Variants in DYM observed in about 807,000 individuals in gnomAD.
DYM encodes the protein dyggve-Melchior-Clausen syndrome protein.
In DYM, 78 loss-of-function variants were observed where a neutral mutation model predicts 93.1. The ratio of observed to expected loss-of-function variants is 0.84; its 90% CI spans 0.70 to 1.01. DYM has a LOEUF of 1.01. Among genes scored for constraint, DYM ranks in the 50% least tolerant of loss-of-function variants. The probability of loss-of-function intolerance (pLI) is 0.00; values close to 1 mark genes in which losing one functional copy is unlikely to be tolerated. For missense variants in DYM, 789 were observed against 845.0 expected, an observed-to-expected ratio of 0.93 and a Z score of 0.82; for synonymous variants, 321 against 319.7, an observed-to-expected ratio of 1.00 and a Z score of -0.04.
intron 16 of DYM, among the ~76,000 whole-genome samples, chr18:49,098,492 T>C (rs561708762): frequency 1.9e-4 from 29 of 152,350 alleles, no homozygotes; most frequent in African/African-American, 7.0e-4. Context: ...AATGCATTTG[T>C]TCTGGAAGGT....
intron 8 of DYM, among the ~76,000 whole-genome samples, chr18:49,299,823 C>T (rs1412145659): frequency 6.6e-6 from 1 of 151,532 alleles, no homozygotes; most frequent in Non-Finnish European, 1.5e-5. Context: ...GAGGGCAGGT[C>T]ATGAGGTCAG....
intron 6 of DYM, among the ~76,000 whole-genome samples, chr18:49,336,375 T>C (rs1456403439): frequency 6.6e-6 from 1 of 152,170 alleles, no homozygotes; most frequent in Non-Finnish European, 1.5e-5. Context: ...AAAAAAAGTG[T>C]TAACCTTGGA....
At chr18:49,423,774 T>C (rs903498506) in intron 2 of DYM, among the ~76,000 whole-genome samples, 6 of 152,092 alleles carry the variant, frequency 3.9e-5, no homozygotes, top group East Asian at 1.9e-4. Context: ...AACACCTCTA[T>C]GCAAATAAAC....
intron 16 of DYM, among the ~76,000 whole-genome samples, chr18:49,117,913 G>A (rs1337344251): frequency 6.6e-6 from 1 of 151,404 alleles, no homozygotes; most frequent in African/African-American, 2.4e-5. Flanking sequence ...TAGCCAGGAT[G>A]GTCTCGATCT....
intron 8 of DYM, among the ~76,000 whole-genome samples, chr18:49,297,317 C>T (rs758362628): frequency 1.9e-4 from 29 of 151,996 alleles, no homozygotes; most frequent in African/African-American, 5.1e-4. Flanking sequence ...CACAAATAAA[C>T]GAAGTAAAAC....
intron 3 of DYM, among the ~76,000 whole-genome samples, chr18:49,388,970 A>C (rs1373028794): frequency 1.3e-5 from 2 of 151,886 alleles, no homozygotes; most frequent in African/African-American, 4.8e-5. Context: ...ACCAGCACTT[A>C]AAAAAATTTT....
At chr18:49,242,371 C>A (rs1246120426) in intron 13 of DYM, among the ~76,000 whole-genome samples, 1 of 152,072 alleles carries the variant, frequency 6.6e-6, no homozygotes, top group African/African-American at 2.4e-5. Flanking sequence ...TGGGAAGTGC[C>A]ACTACACTCC....
chr18:49,242,896 T>G (rs1810560672), intron 13 of DYM, among the ~76,000 whole-genome samples: 1 of 152,112 alleles, frequency 6.6e-6, no homozygotes, highest in Non-Finnish European at 1.5e-5. Flanking sequence ...GAGACGGGGT[T>G]TCACCGTATT....
At position 49,036,919 on chromosome 18, in the gene DYM, TG is replaced by T. The variant is rs2070724458; in HGVS notation, c.*7135del. 2.0e-5 allele frequency among the ~76,000 whole-genome samples: 3 copies of T among 151,214 alleles called. No individual in the cohort carries two copies. Among genetic ancestry groups the T allele is most frequent in the Admixed American group, 6.6e-5 (1 of 15,218 alleles). On this transcript the variant is annotated 3_prime_UTR_variant, in exon 18 of 18. Coordinates refer to ENST00000675505, the MANE Select transcript of DYM (RefSeq NM_001353214.3). ...TATGAATTCTTTTATTTATTTATTT[TG>T]GGACGGAGTCTCGCTCTGTTGCCCA...
intron 2 of DYM, among the ~76,000 whole-genome samples, chr18:49,401,479 G>A (rs2070816280): frequency 6.6e-6 from 1 of 152,188 alleles, no homozygotes; most frequent in Non-Finnish European, 1.5e-5. Context: ...TGTACACACT[G>A]TGAAAGATCA....
At chr18:49,117,899 G>A (rs1226158198) in intron 16 of DYM, among the ~76,000 whole-genome samples, 1 of 151,222 alleles carries the variant, frequency 6.6e-6, no homozygotes, top group Non-Finnish European at 1.5e-5. Flanking sequence ...TGGTTTCACT[G>A]TGTTAGCCAG....
At position 49,227,734 on chromosome 18, in the gene DYM, C is replaced by G. The variant is rs546152049; in HGVS notation, c.1461-18019G>C. On this transcript the variant is annotated intron_variant, in intron 13 of 17. Transcript: ENST00000675505. ...AAAGACTGATCTTGGTCTCACCAGTCCAATGTTCTAACCACTCTAATTGAA... is the reference window on the plus strand; with the variant it reads ...AAAGACTGATCTTGGTCTCACCAGTGCAATGTTCTAACCACTCTAATTGAA... 2.0e-5 allele frequency among the ~76,000 whole-genome samples: 3 copies of G among 152,236 alleles called. No individual in the cohort carries two copies. In the South Asian group the frequency reaches 6.2e-4, roughly 32 times the overall value.
Position 49,240,500 on chromosome 18 carries a change from TG to T in DYM, c.1460+16509del, listed in dbSNP as rs2093984808. On this transcript the variant is annotated intron_variant, in intron 13 of 17. Coordinates refer to ENST00000675505, the MANE Select transcript of DYM (RefSeq NM_001353214.3). ...TGAATTATGCAGATCTTCCAAATGT[TG>T]ACACATTTCATCAAATAATAGTTTT... is the stretch of plus-strand genomic sequence containing the variant. Among the ~76,000 whole-genome samples, 3 of 152,254 alleles carry T rather than the reference TG, an allele frequency of 2.0e-5. No individual in the cohort carries two copies. In the South Asian group the frequency reaches 6.2e-4, roughly 31 times the overall value.
chr18:49,190,508 T>G (rs1379952557), intron 14 of DYM, among the ~76,000 whole-genome samples: 1 of 152,178 alleles, frequency 6.6e-6, no homozygotes, highest in East Asian at 1.9e-4. Context: ...ATTGAATTCT[T>G]AAGACTTCTA....
chr18:49,313,874 C>CA (rs2061762913), intron 8 of DYM, among the ~76,000 whole-genome samples: 1 of 151,996 alleles, frequency 6.6e-6, no homozygotes, highest in Non-Finnish European at 1.5e-5. Flanking sequence ...GGTCTGGTAA[C>CA]AAAGCCACTG....
chr18:49,216,309 C>A (rs1302503635), intron 13 of DYM, among the ~76,000 whole-genome samples: 2 of 152,228 alleles, frequency 1.3e-5, no homozygotes, highest in African/African-American at 4.8e-5. Context: ...TTGTAGGCTC[C>A]ACCTCTGGGG....
chr18:49,133,274 G>C (rs142715967), intron 15 of DYM, among the ~76,000 whole-genome samples: 262 of 152,202 alleles, frequency 1.7e-3, no homozygotes, highest in African/African-American at 5.7e-3. Flanking sequence ...AAGGAAATAA[G>C]ACCATGCCCA....
chr18:49,117,446 C>A (rs184548306), intron 16 of DYM, among the ~76,000 whole-genome samples: 1 of 151,084 alleles, frequency 6.6e-6, no homozygotes, highest in Non-Finnish European at 1.5e-5. Flanking sequence ...GCAGTTAATA[C>A]ATCCTATGTG....
intron 2 of DYM, among the ~76,000 whole-genome samples, chr18:49,394,495 A>G (rs1222711778): frequency 6.6e-6 from 1 of 152,028 alleles, no homozygotes; most frequent in African/African-American, 2.4e-5. Flanking sequence ...TTTGCTCAAG[A>G]TTGCTTTGGC....
Sources: allele counts gnomAD v4.1 joint callset (sites outside exome capture counted in the v4.1 genomes callset), GRCh38; gene constraint gnomAD v4.1.1; transcripts MANE v1.5; gene names NCBI Gene and HGNC (gene_info 2026-07-23, HGNC 2026-07-21).